The following ATP2B2 variants were observed in gnomAD, a reference collection of about 807,000 sequenced individuals.
ATP2B2 encodes the protein plasma membrane calcium-transporting ATPase 2.
A neutral mutation model predicts 120.0 loss-of-function variants in ATP2B2; 15 were observed. That is an observed-to-expected ratio of 0.12 (90% CI 0.08 to 0.19). The LOEUF is 0.19. Ranked by LOEUF, ATP2B2 falls within the 10% of genes least tolerant of loss-of-function variation. ATP2B2 has a pLI of 1.00. For synonymous variants in ATP2B2, 694 were observed against 700.3 expected (o/e 0.99, Z 0.14); for missense variants, 1,045 against 1,719.8 (o/e 0.61, Z 6.94).
Position 10,329,447 on chromosome 3 carries a change from C to T in ATP2B2, c.3421-322G>A, listed in dbSNP as rs1404007806. Reference sequence around the variant, plus strand: ...CACAGTCGACTCCTGCGGGCACCCACACCTAGTGAGAGACTGAGCCTTGTT... The same window carrying T: ...CACAGTCGACTCCTGCGGGCACCCATACCTAGTGAGAGACTGAGCCTTGTT... On this transcript the variant is annotated intron_variant, in intron 22 of 22. Coordinates refer to ENST00000360273, the MANE Select transcript of ATP2B2 (RefSeq NM_001001331.4). This position sits in a 1 kb window ranked among gnomAD's most constrained non-coding sequence, Gnocchi z 5.9. 6.6e-6 allele frequency among the ~76,000 whole-genome samples: 1 copy of T among 152,080 alleles called. No homozygotes were observed. Among genetic ancestry groups the T allele is most frequent in the African/African-American group, 2.4e-5 (1 of 41,400 alleles).
At chr3:10,403,159 C>T (rs1214671137) in intron 3 of ATP2B2, among the ~76,000 whole-genome samples, 2 of 152,192 alleles carry the variant, frequency 1.3e-5, no homozygotes, top group Non-Finnish European at 2.9e-5. Context: ...TCACTGAGAC[C>T]ACCTTCCAGG....
chr3:10,599,165 C>A (rs1372087639), intron 2 of ATP2B2, among the ~76,000 whole-genome samples: 2 of 152,230 alleles, frequency 1.3e-5, no homozygotes, highest in Non-Finnish European at 1.5e-5. Context: ...GTAGCTCAGG[C>A]AGCTCCCTGC....
intron 2 of ATP2B2, among the ~76,000 whole-genome samples, chr3:10,446,032 T>C (rs2063825711): frequency 6.6e-6 from 1 of 152,240 alleles, no homozygotes; most frequent in Non-Finnish European, 1.5e-5. Flanking sequence ...GTGGCCGTGC[T>C]TGGCTCAGGT....
intron 2 of ATP2B2, among the ~76,000 whole-genome samples, chr3:10,540,436 A>G (rs1456515997): frequency 6.6e-6 from 1 of 152,232 alleles, no homozygotes; most frequent in African/African-American, 2.4e-5. Flanking sequence ...TTACTGCAGC[A>G]GTATTCACAA....
In ATP2B2 at chr3:10,681,769, G is replaced by A. The variant is rs891007478; in HGVS notation, c.-460+26146C>T. On this transcript the variant is annotated intron_variant, in intron 1 of 21. Transcript: ENST00000646379. ...GAAACTGAGACTTATCAATGTTAAGGAACTTGCTCTAAGTCGTGCAGCTAG... is the reference window on the plus strand; with the variant it reads ...GAAACTGAGACTTATCAATGTTAAGAAACTTGCTCTAAGTCGTGCAGCTAG... Among the ~76,000 whole-genome samples, 37 of 152,160 alleles carry A rather than the reference G, an allele frequency of 2.4e-4. 1 individual carries two copies. Among genetic ancestry groups the A allele is most frequent in the Non-Finnish European group, 4.4e-5 (3 of 68,028 alleles).
chr3:10,358,291 A>G (rs1271599157), intron 14 of ATP2B2, among the ~76,000 whole-genome samples: 2 of 152,150 alleles, frequency 1.3e-5, no homozygotes. Context: ...TGTCCTTTGT[A>G]GGGACCCTGG....
intron 2 of ATP2B2, among the ~76,000 whole-genome samples, chr3:10,579,810 G>GAAAAC (rs59097062): frequency 0.045 from 6,624 of 146,286 alleles, 213 homozygotes; most frequent in East Asian, 0.16. Flanking sequence ...ACTCCGTCTT[G>GAAAAC]AAAACAAAAC....
intron 1 of ATP2B2, among the ~76,000 whole-genome samples, chr3:10,476,955 A>G (rs2065227725): frequency 1.3e-5 from 2 of 152,218 alleles, no homozygotes; most frequent in Admixed American, 1.3e-4. Context: ...CTGCTTGGGC[A>G]TCTGCAGCTA....
Position 10,386,479 on chromosome 3 carries a change from C to T in ATP2B2, c.940+1G>A. 1 of 1,614,154 alleles carries T rather than the reference C, an allele frequency of 6.2e-7. No individual in the cohort carries two copies. Among genetic ancestry groups the T allele is most frequent in the South Asian group, 1.1e-5 (1 of 91,090 alleles). ...TCTACCCTGAGGGTGTCTTACTGTA[C>T]CTGGTAGCTGAAGGCCATCCCCCTT... On this transcript the variant is annotated splice_donor_variant, in intron 7 of 22. Transcript: ENST00000360273. LOFTEE classifies it high-confidence loss of function.
chr3:10,336,385 G>A (rs868689108), intron 22 of ATP2B2: 1 of 1,328,726 alleles, frequency 7.5e-7, no homozygotes, highest in South Asian at 1.4e-5. Context: ...CACAAGAACA[G>A]CCGCAGCCAC....
chr3:10,520,757 C>CTTT (rs5846668), intron 3 of ATP2B2, among the ~76,000 whole-genome samples: 22 of 145,756 alleles, frequency 1.5e-4, no homozygotes, highest in East Asian at 4.1e-4. Context: ...CACCTGGCCT[C>CTTT]TTTTTTTTTT....
intron 1 of ATP2B2, among the ~76,000 whole-genome samples, chr3:10,702,540 G>A (rs2071833767): frequency 6.6e-6 from 1 of 152,168 alleles, no homozygotes; most frequent in African/African-American, 2.4e-5. Flanking sequence ...ATGGTATAGA[G>A]AGGATGGAGC....
At chr3:10,382,808 G>A (rs2061569431) in intron 8 of ATP2B2, among the ~76,000 whole-genome samples, 1 of 151,968 alleles carries the variant, frequency 6.6e-6, no homozygotes, top group African/African-American at 2.4e-5. Flanking sequence ...TTCAGTTGGG[G>A]GCTTGGGGGA....
At chr3:10,604,196 C>T (rs564388576) in intron 2 of ATP2B2, among the ~76,000 whole-genome samples, 1 of 152,218 alleles carries the variant, frequency 6.6e-6, no homozygotes, top group South Asian at 2.1e-4. Context: ...TTTGACCCTT[C>T]TAGGATCTCT....
At chr3:10,500,757 C>T (rs867921294) in intron 1 of ATP2B2, among the ~76,000 whole-genome samples, 32 of 152,224 alleles carry the variant, frequency 2.1e-4, no homozygotes, top group African/African-American at 7.5e-4. Context: ...AGACAATACA[C>T]GTCTGTTGTT....
intron 1 of ATP2B2, among the ~76,000 whole-genome samples, chr3:10,483,065 G>T (rs1019815016): frequency 1.3e-5 from 2 of 152,236 alleles, no homozygotes; most frequent in African/African-American, 4.8e-5. Context: ...GCAGGGTTAG[G>T]ATTCCCAGAG....
intron 1 of ATP2B2, among the ~76,000 whole-genome samples, chr3:10,631,081 G>C (rs1372503235): frequency 6.6e-6 from 1 of 152,230 alleles, no homozygotes; most frequent in Non-Finnish European, 1.5e-5. Context: ...GCGTGTCCTG[G>C]AGCAAGTTAC....
rs772328892 is a variant in ATP2B2 at position 10,342,727 on chromosome 3, A to G, written c.2917+25T>C. ...AGAAGGTGATGACCCCGCCTGGGAG[A>G]GGCGTGGGTGGGCGAGGCGCTCACC... On this transcript the variant is annotated intron_variant, in intron 19 of 22. Transcript: ENST00000360273. The surrounding 1 kb of genome is among the most constrained non-coding windows in gnomAD (Gnocchi z 4.4). 11 of 1,612,172 alleles carry G rather than the reference A, an allele frequency of 6.8e-6. No individual in the cohort carries two copies. The Admixed American group carries it at 1.8e-4, about 27-fold the overall frequency.
chr3:10,389,015 T>C (rs1178386501), intron 5 of ATP2B2, among the ~76,000 whole-genome samples: 1 of 152,200 alleles, frequency 6.6e-6, no homozygotes, highest in Non-Finnish European at 1.5e-5. Flanking sequence ...TTTCATTTTA[T>C]GCATTTCAAG....
Sources: allele counts gnomAD v4.1 joint callset (sites outside exome capture counted in the v4.1 genomes callset), GRCh38; gene constraint gnomAD v4.1.1; non-coding constraint Gnocchi (gnomAD v3.1); transcripts MANE v1.5; gene names NCBI Gene and HGNC (gene_info 2026-07-23, HGNC 2026-07-21).